The following PSMB9 variants were observed in gnomAD, a reference collection of about 807,000 sequenced individuals.
PSMB9 encodes proteasome 20S subunit beta 9.
In PSMB9, 16 loss-of-function variants were observed where a neutral mutation model predicts 26.9. The ratio of observed to expected loss-of-function variants is 0.59; its 90% CI spans 0.40 to 0.90. The LOEUF (loss-of-function observed/expected upper bound fraction) is 0.90. Among genes scored for constraint, PSMB9 ranks in the 40% least tolerant of loss-of-function variants. The pLI is 0.00. For synonymous variants in PSMB9, 91 were observed against 112.0 expected (o/e 0.81, Z 1.18); for missense variants, 253 against 292.2 (o/e 0.87, Z 0.98).
intron 2 of PSMB9, 88 bp downstream of exon 2, chr6:32,856,293 A>G (rs2127397654): frequency 2.2e-6 from 3 of 1,345,126 alleles, no homozygotes; most frequent in Non-Finnish European, 3.2e-6. Context: ...AAAGACTGGC[A>G]AACTGGAGCC....
Position 32,854,467 on chromosome 6 carries a change from G to T in PSMB9, c.60+178G>T, listed in dbSNP as rs17220241. 0.044 allele frequency among the ~76,000 whole-genome samples: 6,627 copies of T among 152,256 alleles called. 268 individuals carry two copies. The highest frequency in any genetic ancestry group is 0.097 in the African/African-American group (4,030 of 41,520). ...ATAGAGTATTTCTTTTCTGAGGGGGGTCGTCTAGAGTGTCCGTGAAGGGAA... is the reference window on the plus strand; with the variant it reads ...ATAGAGTATTTCTTTTCTGAGGGGGTTCGTCTAGAGTGTCCGTGAAGGGAA... On this transcript the variant is annotated intron_variant, in intron 1 of 5. Transcript: ENST00000374859. This position sits in a 1 kb window ranked among gnomAD's most constrained non-coding sequence, Gnocchi z 4.6.
chr6:32,857,218 A>AC (rs376627099), intron 2 of PSMB9, 45 bp from the exon 3 acceptor site: 18,417 of 1,415,770 alleles, frequency 0.013, 113 homozygotes, highest in African/African-American at 0.016. Flanking sequence ...AAAAAAAAAA[A>AC]AAACCTGAGT....
In PSMB9 at chr6:32,858,235, T is replaced by G; in HGVS notation, c.390+101T>G. 1 of 1,593,358 alleles carries G rather than the reference T, an allele frequency of 6.3e-7. No individual in the cohort carries two copies. The highest frequency in any genetic ancestry group is 8.6e-7 in the Non-Finnish European group (1 of 1,167,116). ...TTCTAGCAATGAGTTCCAAGGACAC[T>G]ACCTCTGAAAGCATAGTACTTTGGG... On this transcript the variant is annotated intron_variant, in intron 4 of 5. Coordinates refer to ENST00000374859, the MANE Select transcript of PSMB9 (RefSeq NM_002800.5). This position sits in a 1 kb window ranked among gnomAD's most constrained non-coding sequence, Gnocchi z 5.2.
chr6:32,858,134 G>C lies in PSMB9; in HGVS notation c.390G>C (p.Gln130His). The change falls in exon 4 of 6, where the codon CAG (glutamine) becomes CAC (histidine). Residue 130 changes from glutamine to histidine, a missense_variant and splice_region_variant. By Grantham distance (24) the Gln-to-His change is conservative (BLOSUM62 0). Coordinates refer to ENST00000374859, the MANE Select transcript of PSMB9 (RefSeq NM_002800.5). The surrounding 1 kb of genome is among the most constrained non-coding windows in gnomAD (Gnocchi z 5.2). ...VAGWDQREGGQVYGTLGGMLT... is the reference protein window; with the variant it reads ...VAGWDQREGGHVYGTLGGMLT... ...GCTGGGACCAACGTGAAGGAGGTCA[G>C]GTGAGTTTCTCCCAAAGCACTCTCT... 6.2e-7 allele frequency: 1 copy of C among 1,613,062 alleles called. No individual in the cohort carries two copies. Among genetic ancestry groups the C allele is most frequent in the South Asian group, 1.1e-5 (1 of 91,086 alleles).
chr6:32,857,533 C>A, intron 3 of PSMB9, 139 bp downstream of exon 3: 3 of 1,063,026 alleles, frequency 2.8e-6, no homozygotes, highest in Non-Finnish European at 1.3e-6. Context: ...GCACTTGAAT[C>A]TGTCAGTTTC....
rs1460466994 is a variant in PSMB9 at position 32,858,204 on chromosome 6, A to G, written c.390+70A>G. ...TCCTGCAGAGGAAGATGGAAGTCCT[A>G]TGTCATTCTAGCAATGAGTTCCAAG... On this transcript the variant is annotated intron_variant, in intron 4 of 5. Coordinates refer to ENST00000374859, the MANE Select transcript of PSMB9 (RefSeq NM_002800.5). This position sits in a 1 kb window ranked among gnomAD's most constrained non-coding sequence, Gnocchi z 5.2. The G allele has an allele frequency of 6.2e-7, 1 of 1,602,594 alleles. No homozygotes were observed. Among genetic ancestry groups the G allele is most frequent in the Non-Finnish European group, 8.5e-7 (1 of 1,173,652 alleles).
In PSMB9 at chr6:32,858,676, T is replaced by G; in HGVS notation, c.532+171T>G. 7.5e-6 allele frequency: 6 copies of G among 800,758 alleles called. No individual in the cohort carries two copies. The highest frequency in any genetic ancestry group is 1.0e-5 in the Non-Finnish European group (5 of 490,130). 49.6% of individuals were successfully genotyped at this position (800,758 alleles called of 1,614,324 possible). ...ACAAATGCAAAGCTCAATGGGGTTCTTGGGCAATACGGATAAACCAGGGCT... is the reference window on the plus strand; with the variant it reads ...ACAAATGCAAAGCTCAATGGGGTTCGTGGGCAATACGGATAAACCAGGGCT... On this transcript the variant is annotated intron_variant, in intron 5 of 5. Coordinates refer to ENST00000374859, the MANE Select transcript of PSMB9 (RefSeq NM_002800.5). The surrounding 1 kb of genome is among the most constrained non-coding windows in gnomAD (Gnocchi z 5.2).
chr6:32,858,048 G>A lies in PSMB9; in HGVS notation c.304G>A (p.Val102Met). 6.2e-7 allele frequency: 1 copy of A among 1,613,136 alleles called. No individual in the cohort carries two copies. Among genetic ancestry groups the A allele is most frequent in the Non-Finnish European group, 8.5e-7 (1 of 1,180,046 alleles). The change falls in exon 4 of 6, where the codon GTG becomes ATG. Residue 102 changes from valine (V) to methionine (M), a missense_variant. Val to Met is a conservative substitution (Grantham distance 21). Transcript: ENST00000374859. The surrounding 1 kb of genome is among the most constrained non-coding windows in gnomAD (Gnocchi z 5.2). ...EPPLVLAAAN[V>M]VRNISYKYRE... Reference sequence around the variant, plus strand: ...TCCACTTGTTTTGGCTGCTGCAAATGTGGTGAGAAATATCAGCTATAAATA... The same window carrying A: ...TCCACTTGTTTTGGCTGCTGCAAATATGGTGAGAAATATCAGCTATAAATA...
intron 1 of PSMB9, among the ~76,000 whole-genome samples, chr6:32,855,586 G>T (rs797019653): frequency 3.2e-4 from 49 of 151,852 alleles, no homozygotes; most frequent in African/African-American, 1.1e-3. Flanking sequence ...CTCCTGCCTT[G>T]CCCCTGGCCA....
chr6:32,858,421 G>T lies in PSMB9; in HGVS notation c.448G>T (p.Gly150Cys). Residue 150 changes from glycine to cysteine, a missense_variant, in exon 5 of 6, where the codon GGC becomes TGC. Transcript: ENST00000374859. The surrounding 1 kb of genome is among the most constrained non-coding windows in gnomAD (Gnocchi z 5.2). ...TRQPFAIGGS[G>C]STFIYGYVDA... ...ACAGCCTTTTGCCATTGGTGGCTCC[G>T]GCAGCACCTTTATCTATGGTTATGT... is the stretch of plus-strand genomic sequence containing the variant. The T allele has an allele frequency of 6.2e-7, 1 of 1,613,000 alleles. No homozygotes were observed. Among genetic ancestry groups the T allele is most frequent in the Non-Finnish European group, 8.5e-7 (1 of 1,180,022 alleles).
chr6:32,854,400 G>C lies in PSMB9; in HGVS notation c.60+111G>C. 3 of 1,061,314 alleles carry C rather than the reference G, an allele frequency of 2.8e-6. No individual in the cohort carries two copies. The highest frequency in any genetic ancestry group is 3.5e-5 in the South Asian group (2 of 57,368). 65.7% of individuals were successfully genotyped at this position (1,061,314 alleles called of 1,614,324 possible). ...ATGCAGAGACCAACGGGAGCGCAGG[G>C]AGGTCGCCTGTAGCAGCCAGCGCTT... is the stretch of plus-strand genomic sequence containing the variant. On this transcript the variant is annotated intron_variant, in intron 1 of 5. Transcript: ENST00000374859. This position sits in a 1 kb window ranked among gnomAD's most constrained non-coding sequence, Gnocchi z 4.6.
chr6:32,858,027 C>G lies in PSMB9; in HGVS notation c.283C>G (p.Leu95Val). ...LHGIELEEPP[L>V]VLAAANVVRN... is the part of the protein sequence containing the mutation. Reference sequence around the variant, plus strand: ...CAGGATAGAACTGGAGGAACCTCCACTTGTTTTGGCTGCTGCAAATGTGGT... The same window carrying G: ...CAGGATAGAACTGGAGGAACCTCCAGTTGTTTTGGCTGCTGCAAATGTGGT... The change falls in exon 4 of 6, where the codon CTT becomes GTT. Residue 95 changes from leucine to valine, a missense_variant. Coordinates refer to ENST00000374859, the MANE Select transcript of PSMB9 (RefSeq NM_002800.5). This position sits in a 1 kb window ranked among gnomAD's most constrained non-coding sequence, Gnocchi z 5.2. The G allele has an allele frequency of 6.2e-7, 1 of 1,613,100 alleles. No individual in the cohort carries two copies. Among genetic ancestry groups the G allele is most frequent in the Non-Finnish European group, 8.5e-7 (1 of 1,180,030 alleles).
In PSMB9 at chr6:32,858,922, C is replaced by T. The variant is rs1247997595; in HGVS notation, c.532+417C>T. Reference sequence around the variant, plus strand: ...AAAAAATGAACTGGGCATAGTGGTGCACACCTGTAGTCCCAGCTACTCAGG... The same window carrying T: ...AAAAAATGAACTGGGCATAGTGGTGTACACCTGTAGTCCCAGCTACTCAGG... On this transcript the variant is annotated intron_variant, in intron 5 of 5. Transcript: ENST00000374859. The surrounding 1 kb of genome is among the most constrained non-coding windows in gnomAD (Gnocchi z 5.2). The T allele has an allele frequency of 3.3e-6, 1 of 301,468 alleles. No homozygotes were observed. The highest frequency in any genetic ancestry group is 6.4e-6 in the Non-Finnish European group (1 of 157,098). The allele number at this position is 301,468 out of a possible 1,614,324, so 18.7% of individuals were successfully genotyped here. A position where few individuals can be genotyped will look rare whatever the true frequency, so the allele number is the denominator to read the frequency against.
Position 32,854,552 on chromosome 6 carries a change from G to C in PSMB9, c.60+263G>C, listed in dbSNP as rs974858532. On this transcript the variant is annotated intron_variant, in intron 1 of 5. Coordinates refer to ENST00000374859, the MANE Select transcript of PSMB9 (RefSeq NM_002800.5). The surrounding 1 kb of genome is among the most constrained non-coding windows in gnomAD (Gnocchi z 4.6). ...TTGACTCTTAGCTGGAAGCGTCAACGGGAAGCTACTCTAAAGCGCTTTCGC... is the reference window on the plus strand; with the variant it reads ...TTGACTCTTAGCTGGAAGCGTCAACCGGAAGCTACTCTAAAGCGCTTTCGC... Among the ~76,000 whole-genome samples the C allele has an allele frequency of 1.3e-5, 2 of 151,986 alleles. No homozygotes were observed. The highest frequency in any genetic ancestry group is 4.8e-5 in the African/African-American group (2 of 41,354).
At position 32,854,272 on chromosome 6, in the gene PSMB9, G is replaced by A; in HGVS notation, c.43G>A (p.Gly15Arg). Residue 15 changes from glycine (G) to arginine (R), a missense_variant, in exon 1 of 6, where the codon GGA becomes AGA. By Grantham distance (125) the Gly-to-Arg change is moderately radical. Transcript: ENST00000374859. This position sits in a 1 kb window ranked among gnomAD's most constrained non-coding sequence, Gnocchi z 4.6. ...GAPTGDLPRA[G>R]EVHTGTTIMA... ...ACCAACCGGGGACTTACCCCGGGCG[G>A]GAGAAGTCCACACCGGGGTAATGGG... 1 of 1,520,814 alleles carries A rather than the reference G, an allele frequency of 6.6e-7. No individual in the cohort carries two copies. The allele number at this position is 1,520,814 out of a possible 1,614,324, so 94.2% of individuals were successfully genotyped here.
chr6:32,855,368 A>G (rs1347251714), intron 1 of PSMB9, among the ~76,000 whole-genome samples: 1 of 152,128 alleles, frequency 6.6e-6, no homozygotes, highest in East Asian at 1.9e-4. Context: ...TTCCAACTCA[A>G]TAGTAGAATA....
In PSMB9 at chr6:32,858,892, A is replaced by T. The variant is rs201292615; in HGVS notation, c.532+387A>T. 1 of 66,154 alleles carries T rather than the reference A, an allele frequency of 1.5e-5. No individual in the cohort carries two copies. The highest frequency in any genetic ancestry group is 3.1e-5 in the Non-Finnish European group (1 of 32,648). The allele number at this position is 66,154 out of a possible 1,614,324, so 4.1% of individuals were successfully genotyped here. Reference sequence around the variant, plus strand: ...TCCACAAAAAACAATAAAAAAAAGTAAAAAAAAAAATGAACTGGGCATAGT... The same window carrying T: ...TCCACAAAAAACAATAAAAAAAAGTTAAAAAAAAAATGAACTGGGCATAGT... On this transcript the variant is annotated intron_variant, in intron 5 of 5. Transcript: ENST00000374859. This position sits in a 1 kb window ranked among gnomAD's most constrained non-coding sequence, Gnocchi z 5.2.
chr6:32,857,669 T>C, intron 3 of PSMB9: 1 of 529,198 alleles, frequency 1.9e-6, no homozygotes, highest in Non-Finnish European at 3.3e-6. Flanking sequence ...AGGAAGAAGG[T>C]GATATTGTGA....
chr6:32,857,117 TTGAACCAGGG>T (rs2127398253), intron 2 of PSMB9, 136 bp from the exon 3 acceptor site: 1 of 819,392 alleles, frequency 1.2e-6, no homozygotes, highest in African/African-American at 1.8e-5. Context: ...GGAGAATCAC[TTGAACCAGGG>T]AGGCGAAGTT....
Sources: allele counts gnomAD v4.1 joint callset (sites outside exome capture counted in the v4.1 genomes callset), GRCh38; gene constraint gnomAD v4.1.1; non-coding constraint Gnocchi (gnomAD v3.1); transcripts MANE v1.5; gene names NCBI Gene and HGNC (gene_info 2026-07-23, HGNC 2026-07-21).